MAP3K7CL: variants seen among roughly 807,000 people sequenced by gnomAD.
MAP3K7CL encodes MAP3K7 C-terminal-like protein.
A neutral mutation model predicts 18.6 loss-of-function variants in MAP3K7CL; 16 were observed. The observed-to-expected ratio is 0.86, with a 90% CI of 0.58 to 1.31. The LOEUF is 1.31. MAP3K7CL is among the 50% of genes most tolerant of loss of function. The pLI, the probability that MAP3K7CL is intolerant of heterozygous loss-of-function variation, is 0.00. For synonymous variants in MAP3K7CL, 65 were observed against 66.8 expected (o/e 0.97, Z 0.13); for missense variants, 163 against 174.4 (o/e 0.93, Z 0.37).
At chr21:29,163,040 G>T (rs1383858665) in intron 4 of MAP3K7CL, among the ~76,000 whole-genome samples, 1 of 152,208 alleles carries the variant, frequency 6.6e-6, no homozygotes, top group Non-Finnish European at 1.5e-5. Context: ...GAACCCAGTA[G>T]GCGGAGGTTG....
In MAP3K7CL at chr21:29,175,010, C is replaced by T; in HGVS notation, c.*118C>T. The T allele has an allele frequency of 1.0e-6, 1 of 999,586 alleles. No individual in the cohort carries two copies. Among genetic ancestry groups the T allele is most frequent in the Non-Finnish European group, 1.4e-6 (1 of 697,844 alleles). The allele number at this position is 999,586 out of a possible 1,614,324, so 61.9% of individuals were successfully genotyped here. A position where few individuals can be genotyped will look rare whatever the true frequency, so the allele number is the denominator to read the frequency against. ...TTGCTTCTCTGTATTACCCACATGA[C>T]AACTGTCTATAATGAGTTTACTGCT... On this transcript the variant is annotated 3_prime_UTR_variant, in exon 5 of 5. Coordinates refer to ENST00000399928, the MANE Select transcript of MAP3K7CL (RefSeq NM_001286620.2).
chr21:29,104,229 C>G (rs1287938051), intron 4 of MAP3K7CL, among the ~76,000 whole-genome samples: 1 of 152,180 alleles, frequency 6.6e-6, no homozygotes, highest in Non-Finnish European at 1.5e-5. Context: ...CCAGCACAGA[C>G]AACCCTTTAA....
chr21:29,129,911 T>C (rs1484227416), upstream of MAP3K7CL, among the ~76,000 whole-genome samples: 1 of 152,224 alleles, frequency 6.6e-6, no homozygotes, highest in Non-Finnish European at 1.5e-5. Context: ...ACATATGATG[T>C]TGATCATCTT....
chr21:29,147,787 CTG>C (rs1468168532), intron 2 of MAP3K7CL, among the ~76,000 whole-genome samples: 1 of 150,706 alleles, frequency 6.6e-6, no homozygotes, highest in Non-Finnish European at 1.5e-5. Context: ...ATATATCTAA[CTG>C]TATCTGTACT....
chr21:29,148,633 AT>A (rs2087199612), intron 2 of MAP3K7CL, among the ~76,000 whole-genome samples: 1 of 152,130 alleles, frequency 6.6e-6, no homozygotes, highest in Non-Finnish European at 1.5e-5. Flanking sequence ...TGCCTGGTGT[AT>A]TGGAAAGAAA....
intron 4 of MAP3K7CL, among the ~76,000 whole-genome samples, chr21:29,164,176 G>C (rs981006833): frequency 1.3e-5 from 2 of 151,868 alleles, no homozygotes; most frequent in African/African-American, 4.8e-5. Context: ...AAATACATGA[G>C]CTTGGTTTTC....
intron 1 of MAP3K7CL, among the ~76,000 whole-genome samples, chr21:29,132,090 G>A (rs1181450854): frequency 6.6e-6 from 1 of 152,152 alleles, no homozygotes; most frequent in Non-Finnish European, 1.5e-5. Context: ...AGAGGGTTTA[G>A]GGGAGGTGGG....
intron 4 of MAP3K7CL, among the ~76,000 whole-genome samples, chr21:29,116,302 G>T (rs1225971114): frequency 6.6e-6 from 1 of 152,036 alleles, no homozygotes; most frequent in Non-Finnish European, 1.5e-5. Context: ...CTGGGATCTT[G>T]GTAGCAACAC....
At chr21:29,122,968 G>A (rs2086620292) in intron 4 of MAP3K7CL, among the ~76,000 whole-genome samples, 1 of 149,680 alleles carries the variant, frequency 6.7e-6, no homozygotes, top group Non-Finnish European at 1.5e-5. Context: ...TTTTGTAAGA[G>A]TTTTATAAAA....
In MAP3K7CL at chr21:29,174,702, G is replaced by T. The variant is rs186247591; in HGVS notation, c.249-10G>T. The T allele has an allele frequency of 2.5e-6, 4 of 1,613,608 alleles. No individual in the cohort carries two copies. In the African/African-American group the frequency reaches 5.3e-5, roughly 22 times the overall value. On this transcript the variant is annotated splice_polypyrimidine_tract_variant and intron_variant, in intron 4 of 4. Transcript: ENST00000399928. ...TGTGCTTCTTCCTGCCCTTTACCCC[G>T]AATCTTCAGGAAGGAGCTCATTGCC...
Position 29,149,251 on chromosome 21 carries a change from G to T in MAP3K7CL, c.132+1G>T. On this transcript the variant is annotated splice_donor_variant, in intron 3 of 4. Transcript: ENST00000399928. LOFTEE classifies it high-confidence loss of function. ...TCCAGAATTAGACCAGCAGCTACAG[G>T]TAAGGATTTTTCTAAAGTCTCTCTT... The T allele has an allele frequency of 6.2e-7, 1 of 1,613,464 alleles. No individual in the cohort carries two copies.
intron 4 of MAP3K7CL, 127 bp from the exon 5 acceptor site, chr21:29,174,585 G>T: frequency 8.5e-7 from 1 of 1,181,426 alleles, no homozygotes. Flanking sequence ...TTGGAGGCAA[G>T]TAGAGATGGG....
intron 1 of MAP3K7CL, among the ~76,000 whole-genome samples, chr21:29,090,453 T>C (rs1568928629): frequency 6.6e-6 from 1 of 152,008 alleles, no homozygotes; most frequent in Non-Finnish European, 1.5e-5. Flanking sequence ...CAATCTCAGC[T>C]CACTGCAAGC....
intron 1 of MAP3K7CL, chr21:29,091,396 C>T: frequency 1.7e-6 from 1 of 582,490 alleles, no homozygotes; most frequent in Non-Finnish European, 3.0e-6. Flanking sequence ...ACTCTAGTTC[C>T]CTCCATCACA....
intron 4 of MAP3K7CL, among the ~76,000 whole-genome samples, chr21:29,121,662 T>C (rs185591324): frequency 6.6e-6 from 1 of 152,170 alleles, no homozygotes; most frequent in East Asian, 1.9e-4. Flanking sequence ...CAGTTCAGTG[T>C]TTGGGATTTT....
chr21:29,112,024 C>T lies in MAP3K7CL; in HGVS notation c.370+19443C>T, dbSNP rs762754778. Among the ~76,000 whole-genome samples the T allele has an allele frequency of 2.0e-4, 31 of 152,218 alleles. No homozygotes were observed. The South Asian group carries it at 4.8e-3, about 23-fold the overall frequency. On this transcript the variant is annotated intron_variant, in intron 4 of 6. Transcript: ENST00000286791. ...GCAAAATCTTTTGTTAGGTCAGGCA[C>T]GGTGGCTCACACCTGTAATCCCAGC...
At chr21:29,122,779 G>A (rs1210893720) in intron 4 of MAP3K7CL, among the ~76,000 whole-genome samples, 3 of 152,190 alleles carry the variant, frequency 2.0e-5, no homozygotes, top group Admixed American at 6.5e-5. Flanking sequence ...TGGGAAATGA[G>A]GAATGCATGT....
At chr21:29,091,375 A>T in intron 1 of MAP3K7CL, 1 of 536,614 alleles carries the variant, frequency 1.9e-6, no homozygotes, top group East Asian at 3.1e-5. Context: ...TAGCCAGTTG[A>T]TTTTTAAGTC....
At chr21:29,082,709 T>C (rs2146473443), upstream of MAP3K7CL, among the ~76,000 whole-genome samples, 1 of 152,270 alleles carries the variant, frequency 6.6e-6, no homozygotes, top group African/African-American at 2.4e-5. Flanking sequence ...AGGCTGTAGA[T>C]ACATGGAGGC....
Sources: gnomAD v4.1 joint callset for allele counts (sites outside exome capture counted in the v4.1 genomes callset) on GRCh38, gnomAD v4.1.1 for gene constraint, MANE v1.5 for transcripts, NCBI Gene and HGNC (gene_info 2026-07-23, HGNC 2026-07-21) for gene names.